IMMP2L: variants seen among roughly 807,000 people sequenced by gnomAD.
IMMP2L encodes inner mitochondrial membrane peptidase subunit 2, also known as mitochondrial inner membrane protease subunit 2.
IMMP2L carries 18 observed loss-of-function variants against 19.3 expected under a neutral mutation model. The observed-to-expected ratio is 0.93, with a 90% CI of 0.64 to 1.38. IMMP2L has a LOEUF of 1.38. Among genes scored for constraint, IMMP2L ranks in the 40% most tolerant of loss-of-function variants. The pLI is 0.00. For synonymous variants in IMMP2L, 76 were observed against 73.0 expected (o/e 1.04, Z -0.21); for missense variants, 233 against 218.2 (o/e 1.07, Z -0.43).
chr7:111,151,850 C>T (rs986337995), intron 3 of IMMP2L, among the ~76,000 whole-genome samples: 1 of 152,080 alleles, frequency 6.6e-6, no homozygotes, highest in Non-Finnish European at 1.5e-5. Context: ...GCACAAGAAT[C>T]GTTTGAACCT....
chr7:111,141,982 G>C (rs1465705572), intron 3 of IMMP2L, among the ~76,000 whole-genome samples: 2 of 152,134 alleles, frequency 1.3e-5, no homozygotes, highest in African/African-American at 4.8e-5. Context: ...AGGATTGCAG[G>C]CATGAGCCAC....
intron 3 of IMMP2L, among the ~76,000 whole-genome samples, chr7:111,308,399 G>T (rs758152677): frequency 1.3e-5 from 2 of 151,934 alleles, no homozygotes; most frequent in Non-Finnish European, 2.9e-5. Flanking sequence ...GGAGATTGAA[G>T]ACGTAGGCAG....
At chr7:111,242,134 C>A (rs1009891758) in intron 3 of IMMP2L, among the ~76,000 whole-genome samples, 1 of 151,876 alleles carries the variant, frequency 6.6e-6, no homozygotes, top group South Asian at 2.1e-4. Context: ...ATATTAGTTT[C>A]CCTTACCATA....
At chr7:111,539,855 T>C (rs897332604) in intron 1 of IMMP2L, among the ~76,000 whole-genome samples, 7 of 152,168 alleles carry the variant, frequency 4.6e-5, no homozygotes, top group Non-Finnish European at 5.9e-5. Context: ...TTCTTTGTGC[T>C]AAAATGAGAA....
At chr7:111,146,445 A>G (rs1422987652) in intron 3 of IMMP2L, among the ~76,000 whole-genome samples, 1 of 152,132 alleles carries the variant, frequency 6.6e-6, no homozygotes, top group Non-Finnish European at 1.5e-5. Context: ...ACTTATAGGG[A>G]GTACAGAAAT....
intron 5 of IMMP2L, among the ~76,000 whole-genome samples, chr7:110,810,989 A>AC (rs1199847490): frequency 6.6e-6 from 1 of 151,914 alleles, no homozygotes; most frequent in Admixed American, 6.6e-5. Context: ...CTGTGTACCT[A>AC]CCCTGGGGTG....
chr7:110,857,697 G>A (rs1043298276), intron 5 of IMMP2L, among the ~76,000 whole-genome samples: 1 of 152,048 alleles, frequency 6.6e-6, no homozygotes, highest in African/African-American at 2.4e-5. Flanking sequence ...AATCCAGTCA[G>A]TCCTGAGGCA....
intron 1 of IMMP2L, among the ~76,000 whole-genome samples, chr7:111,530,064 A>G (rs1847246923): frequency 6.6e-6 from 1 of 152,160 alleles, no homozygotes; most frequent in African/African-American, 2.4e-5. Context: ...GCATCAGCAA[A>G]GAGGGAAAGT....
rs141720654 is a variant in IMMP2L at position 110,973,969 on chromosome 7, A to C, written c.240-10404T>G. On this transcript the variant is annotated intron_variant, in intron 3 of 5. Transcript: ENST00000405709. ...AACCGTCATCTTCATGTGTGGACGA[A>C]ATTTGCATGGGTCCTGATAGCTATG... Among the ~76,000 whole-genome samples, 607 of 152,228 alleles carry C rather than the reference A, an allele frequency of 4.0e-3. 4 individuals are homozygous for C. Among genetic ancestry groups the C allele is most frequent in the African/African-American group, 0.014 (586 of 41,552 alleles).
chr7:110,778,441 T>C (rs1325594820), intron 5 of IMMP2L, among the ~76,000 whole-genome samples: 3 of 152,020 alleles, frequency 2.0e-5, no homozygotes, highest in African/African-American at 7.2e-5. Flanking sequence ...CACGTATTCA[T>C]CATCGTTTAC....
chr7:111,376,768 T>C (rs1011465936), intron 3 of IMMP2L, among the ~76,000 whole-genome samples: 2 of 152,044 alleles, frequency 1.3e-5, no homozygotes, highest in Admixed American at 6.6e-5. Flanking sequence ...CTTGAAGACA[T>C]CATGCTAAGT....
At chr7:111,441,191 A>G (rs1715786414) in intron 3 of IMMP2L, among the ~76,000 whole-genome samples, 1 of 151,864 alleles carries the variant, frequency 6.6e-6, no homozygotes, top group South Asian at 2.1e-4. Context: ...CTTCATTCAA[A>G]TACTTTTGCT....
chr7:111,124,859 T>G (rs201830680), intron 3 of IMMP2L: 47 of 1,599,362 alleles, frequency 2.9e-5, no homozygotes, highest in Non-Finnish European at 6.8e-6. Context: ...TCACTGAAAG[T>G]AAAAGCAACT....
At chr7:110,841,380 C>G (rs1183533193) in intron 5 of IMMP2L, among the ~76,000 whole-genome samples, 1 of 141,024 alleles carries the variant, frequency 7.1e-6, no homozygotes, top group Non-Finnish European at 1.6e-5. Flanking sequence ...CAAAAAAGGA[C>G]ATGATTCTTG....
At chr7:110,844,139 T>A (rs1042368380) in intron 5 of IMMP2L, among the ~76,000 whole-genome samples, 2 of 152,216 alleles carry the variant, frequency 1.3e-5, no homozygotes, top group African/African-American at 4.8e-5. Context: ...CAGTGTGCGC[T>A]GGCTAGTGTA....
At chr7:110,938,244 A>G (rs1348326606) in intron 4 of IMMP2L, among the ~76,000 whole-genome samples, 1 of 152,202 alleles carries the variant, frequency 6.6e-6, no homozygotes, top group Non-Finnish European at 1.5e-5. Flanking sequence ...ATCTGTGTTC[A>G]GCATTATGTT....
chr7:111,146,067 T>C (rs1278057872), intron 3 of IMMP2L, among the ~76,000 whole-genome samples: 1 of 152,012 alleles, frequency 6.6e-6, no homozygotes, highest in Non-Finnish European at 1.5e-5. Context: ...CAGAGGAATA[T>C]AAAAATAAGT....
chr7:111,223,014 A>T (rs189057132), intron 3 of IMMP2L, among the ~76,000 whole-genome samples: 10 of 152,196 alleles, frequency 6.6e-5, no homozygotes, highest in African/African-American at 2.4e-4. Context: ...TTACATATAT[A>T]AATATGAATG....
intron 5 of IMMP2L, 23 bp downstream of exon 5, chr7:110,886,570 C>T: frequency 1.5e-6 from 2 of 1,315,324 alleles, no homozygotes; most frequent in Non-Finnish European, 2.2e-6. Context: ...ATTACATCAA[C>T]AAGAAGATAA....
Sources: gnomAD v4.1 joint callset for allele counts (sites outside exome capture counted in the v4.1 genomes callset) on GRCh38, gnomAD v4.1.1 for gene constraint, MANE v1.5 for transcripts, NCBI Gene and HGNC (gene_info 2026-07-23, HGNC 2026-07-21) for gene names.